Variants in TIPIN observed in about 807,000 individuals in gnomAD.
The protein encoded by TIPIN is TIMELESS-interacting protein.
TIPIN carries 29 observed loss-of-function variants against 35.6 expected under a neutral mutation model. That is an observed-to-expected ratio of 0.82 (90% CI 0.61 to 1.11). TIPIN has a LOEUF of 1.11. TIPIN is among the 50% of genes most tolerant of loss of function. The pLI is 0.00. For synonymous variants in TIPIN, 102 were observed against 121.5 expected (o/e 0.84, Z 1.06); for missense variants, 296 against 345.4 (o/e 0.86, Z 1.13).
chr15:66,351,706 C>T (rs555544357), intron 3 of TIPIN, 106 bp from the exon 4 acceptor site: 48 of 889,288 alleles, frequency 5.4e-5, no homozygotes, highest in African/African-American at 1.4e-4. Context: ...GGCGCGATCT[C>T]GGGTCACTGC....
intron 6 of TIPIN, chr15:66,348,320 A>T (rs1234596663): frequency 6.6e-6 from 1 of 151,816 alleles, no homozygotes; most frequent in African/African-American, 2.4e-5. Flanking sequence ...GTCACAGATC[A>T]AACTCCTTGT....
intron 1 of TIPIN, among the ~76,000 whole-genome samples, chr15:66,363,661 C>G (rs1409701416): frequency 1.4e-5 from 2 of 147,318 alleles, no homozygotes; most frequent in Non-Finnish European, 3.0e-5. Context: ...TGCTGGCAAC[C>G]TCTGCTTTCT....
upstream of TIPIN, chr15:66,356,707 CGGGAACTCCTGG>C (rs1242733080): frequency 1.0e-5 from 10 of 985,350 alleles, no homozygotes; most frequent in Non-Finnish European, 9.6e-6. Context: ...TCGCGATACT[CGGGAACTCCTGG>C]GGCGAGAAGG....
intron 6 of TIPIN, among the ~76,000 whole-genome samples, chr15:66,347,000 T>C (rs1372159678): frequency 6.6e-6 from 1 of 152,098 alleles, no homozygotes; most frequent in Non-Finnish European, 1.5e-5. Context: ...TTTCACCATG[T>C]TAGCCAGGAT....
chr15:66,350,446 A>T (rs2093159603), intron 4 of TIPIN, among the ~76,000 whole-genome samples: 1 of 151,192 alleles, frequency 6.6e-6, no homozygotes, highest in Non-Finnish European at 1.5e-5. Context: ...CTCTACCAAA[A>T]ATACAAAAAT....
chr15:66,341,077 G>T, intron 7 of TIPIN, 73 bp downstream of exon 7: 1 of 1,351,990 alleles, frequency 7.4e-7, no homozygotes, highest in Non-Finnish European at 1.0e-6. Context: ...TTGGGGGCTA[G>T]CAGAGAAGTT....
chr15:66,348,960 A>G, intron 6 of TIPIN, 100 bp downstream of exon 6: 1 of 934,592 alleles, frequency 1.1e-6, no homozygotes, highest in Admixed American at 2.5e-5. Flanking sequence ...ATGAAACAAA[A>G]AAGCAAAGCG....
At chr15:66,371,372 T>A in intron 1 of TIPIN, 1 of 985,200 alleles carries the variant, frequency 1.0e-6, no homozygotes, top group Non-Finnish European at 1.2e-6. Flanking sequence ...AGTGTTTTAA[T>A]GTGAGAAAGG....
At chr15:66,385,603 C>G (rs1399100226) in intron 1 of TIPIN, among the ~76,000 whole-genome samples, 1 of 151,926 alleles carries the variant, frequency 6.6e-6, no homozygotes, top group African/African-American at 2.4e-5. Flanking sequence ...AATTCTCTGC[C>G]TCAGCCCCCC....
intron 7 of TIPIN, among the ~76,000 whole-genome samples, chr15:66,340,190 T>C (rs1412128229): frequency 7.0e-6 from 1 of 142,228 alleles, no homozygotes; most frequent in Non-Finnish European, 1.5e-5. Context: ...TTTTTTTTTT[T>C]TTTTGAGATG....
At chr15:66,382,491 C>G (rs968048279) in intron 1 of TIPIN, among the ~76,000 whole-genome samples, 3 of 152,204 alleles carry the variant, frequency 2.0e-5, no homozygotes, top group African/African-American at 7.2e-5. Flanking sequence ...CATCCCACCT[C>G]AGCCTCCAGA....
rs983282209 is a variant in TIPIN, at chr15:66,356,550, T to A, written c.-9+89A>T. On this transcript the variant is annotated intron_variant, in intron 1 of 7. Coordinates refer to ENST00000261881, the MANE Select transcript of TIPIN (RefSeq NM_017858.3). ...AATTAGGCTTTCCCGCTAGTCTGTC[T>A]GGCTCCCTGGCTCTTCCATCTGGCT... The A allele has an allele frequency of 2.8e-5, 26 of 943,328 alleles. No individual in the cohort carries two copies. In the African/African-American group the frequency reaches 4.1e-4, roughly 15 times the overall value. 58.4% of individuals were successfully genotyped at this position (943,328 alleles called of 1,614,324 possible).
At chr15:66,366,820 C>A in intron 1 of TIPIN, 1 of 981,646 alleles carries the variant, frequency 1.0e-6, no homozygotes, top group Non-Finnish European at 1.2e-6. Context: ...AAAAGAAATT[C>A]CAAGGAAGCA....
chr15:66,337,201 T>C lies in TIPIN; in HGVS notation c.683-20A>G, dbSNP rs62625674. 0.018 allele frequency: 28,291 copies of C among 1,596,098 alleles called. 336 individuals carry two copies. The highest frequency in any genetic ancestry group is 0.041 in the Middle Eastern group (245 of 6,014). On this transcript the variant is annotated intron_variant, in intron 7 of 7. Transcript: ENST00000261881. ...ACATATCTGAAAGAAATCATACCAT[T>C]ATTATTCATTATAAGTACCTGATCC...
chr15:66,339,806 ATAAGCAAAT>A (rs2093072141), intron 7 of TIPIN, among the ~76,000 whole-genome samples: 1 of 152,184 alleles, frequency 6.6e-6, no homozygotes, highest in Non-Finnish European at 1.5e-5. Flanking sequence ...AATGCTAAAG[ATAAGCAAAT>A]TAAACAGCTA....
At chr15:66,360,612 T>C (rs1258230994), upstream of TIPIN, among the ~76,000 whole-genome samples, 1 of 152,022 alleles carries the variant, frequency 6.6e-6, no homozygotes, top group Admixed American at 6.6e-5. Context: ...GGTGGATCAC[T>C]TGAGGCCAGG....
At chr15:66,374,223 C>A (rs372999182) in intron 1 of TIPIN, among the ~76,000 whole-genome samples, 7 of 152,014 alleles carry the variant, frequency 4.6e-5, no homozygotes, top group Admixed American at 2.0e-4. Context: ...GAAGTATGAT[C>A]CCCTCACACT....
chr15:66,366,778 A>G, intron 1 of TIPIN: 1 of 961,042 alleles, frequency 1.0e-6, no homozygotes, highest in Non-Finnish European at 1.2e-6. Flanking sequence ...AAAAAAAAAA[A>G]AAAAGAAAGA....
chr15:66,379,766 C>T, intron 1 of TIPIN: 3 of 1,601,832 alleles, frequency 1.9e-6, no homozygotes, highest in South Asian at 2.2e-5. Context: ...CTTTTTTTTT[C>T]TTTCCAAGAA....
Sources: gnomAD v4.1 joint callset for allele counts (sites outside exome capture counted in the v4.1 genomes callset) on GRCh38, gnomAD v4.1.1 for gene constraint, MANE v1.5 for transcripts, NCBI Gene and HGNC (gene_info 2026-07-23, HGNC 2026-07-21) for gene names.